Variants in TMEM132D observed in about 807,000 individuals in gnomAD.
TMEM132D encodes mature OL transmembrane protein.
Under a neutral mutation model 62.3 loss-of-function variants are expected in TMEM132D, and 21 were observed. The observed-to-expected ratio is 0.34, with a 90% CI of 0.24 to 0.49. The LOEUF (loss-of-function observed/expected upper bound fraction) is 0.49. Among genes scored for constraint, TMEM132D ranks in the 20% least tolerant of loss-of-function variants. The probability of loss-of-function intolerance (pLI) is 0.99; values close to 1 mark genes in which losing one functional copy is unlikely to be tolerated. For synonymous variants in TMEM132D, 621 were observed against 575.6 expected (o/e 1.08, Z -1.13); for missense variants, 1,346 against 1,402.8 (o/e 0.96, Z 0.65).
intron 4 of TMEM132D, among the ~76,000 whole-genome samples, chr12:129,295,301 G>A (rs148951838): frequency 9.2e-5 from 14 of 152,126 alleles, no homozygotes; most frequent in African/African-American, 2.4e-4. Flanking sequence ...GAACACTGCC[G>A]GCTACACACT....
chr12:129,666,831 T>C (rs986325443), intron 2 of TMEM132D, among the ~76,000 whole-genome samples: 4 of 152,210 alleles, frequency 2.6e-5, no homozygotes, highest in Non-Finnish European at 4.4e-5. Flanking sequence ...ACAAGGTGTG[T>C]AGGGAATGTG....
intron 3 of TMEM132D, among the ~76,000 whole-genome samples, chr12:129,528,765 T>G (rs1306167692): frequency 6.6e-6 from 1 of 152,230 alleles, no homozygotes; most frequent in Non-Finnish European, 1.5e-5. Flanking sequence ...AACAAACATT[T>G]ATAGACAGCC....
chr12:129,335,855 G>GT (rs749013631), intron 4 of TMEM132D, among the ~76,000 whole-genome samples: 1 of 152,234 alleles, frequency 6.6e-6, no homozygotes, highest in Non-Finnish European at 1.5e-5. Flanking sequence ...ACCAGAAACT[G>GT]TATGTTGGAT....
chr12:129,865,544 C>T (rs895347800), intron 1 of TMEM132D, among the ~76,000 whole-genome samples: 1 of 152,144 alleles, frequency 6.6e-6, no homozygotes, highest in Non-Finnish European at 1.5e-5. Context: ...GGAGTGATTA[C>T]GTCTTGCAAT....
chr12:129,210,774 G>A (rs182670906), intron 4 of TMEM132D, among the ~76,000 whole-genome samples: 5 of 152,222 alleles, frequency 3.3e-5, no homozygotes, highest in South Asian at 4.2e-4. Flanking sequence ...GACTCAACAG[G>A]GAAAGGACTG....
intron 5 of TMEM132D, among the ~76,000 whole-genome samples, chr12:129,183,770 G>A (rs1280743008): frequency 6.6e-6 from 1 of 151,756 alleles, no homozygotes; most frequent in Non-Finnish European, 1.5e-5. Flanking sequence ...GGACACGGAT[G>A]ATTCTTTGGA....
At chr12:129,306,128 T>TA (rs1321454421) in intron 4 of TMEM132D, among the ~76,000 whole-genome samples, 6 of 152,162 alleles carry the variant, frequency 3.9e-5, no homozygotes, top group Non-Finnish European at 8.8e-5. Context: ...GTGGAAAAGT[T>TA]ACAATGCTTA....
In TMEM132D at chr12:129,226,245, C is replaced by CGCCT. The variant is rs568033206; in HGVS notation, c.1300-16586_1300-16583dup. On this transcript the variant is annotated intron_variant, in intron 4 of 8. Coordinates refer to ENST00000422113, the MANE Select transcript of TMEM132D (RefSeq NM_133448.3). ...AACTATAGGAACATGAGTTCTTGGC[C>CGCCT]GCCTTCATTCCTATGCAAATTGACA... 1.4e-3 allele frequency among the ~76,000 whole-genome samples: 208 copies of CGCCT among 152,272 alleles called. 1 individual carries two copies. Among genetic ancestry groups the CGCCT allele is most frequent in the African/African-American group, 4.9e-3 (204 of 41,552 alleles).
intron 1 of TMEM132D, among the ~76,000 whole-genome samples, chr12:129,896,513 T>C (rs1875139632): frequency 6.6e-6 from 1 of 152,234 alleles, no homozygotes; most frequent in South Asian, 2.1e-4. Flanking sequence ...TCTACCAGTA[T>C]AGCTTTCCTG....
At chr12:129,660,963 C>T (rs1880223791) in intron 2 of TMEM132D, among the ~76,000 whole-genome samples, 1 of 152,196 alleles carries the variant, frequency 6.6e-6, no homozygotes, top group African/African-American at 2.4e-5. Context: ...ATCCATCCTA[C>T]ATAATTTATT....
intron 1 of TMEM132D, among the ~76,000 whole-genome samples, chr12:129,897,658 G>A (rs1021644110): frequency 6.6e-6 from 1 of 152,154 alleles, no homozygotes; most frequent in African/African-American, 2.4e-5. Context: ...TGGTGGTCTT[G>A]GAAGTAAATC....
intron 5 of TMEM132D, among the ~76,000 whole-genome samples, chr12:129,096,125 G>A (rs1237220552): frequency 1.3e-5 from 2 of 152,158 alleles, no homozygotes; most frequent in African/African-American, 4.8e-5. Context: ...TTGTTTGATT[G>A]TGACAGTAAC....
chr12:129,203,793 A>G (rs993959152), intron 5 of TMEM132D, among the ~76,000 whole-genome samples: 1 of 152,270 alleles, frequency 6.6e-6, no homozygotes, highest in African/African-American at 2.4e-5. Context: ...GCATATGGGC[A>G]GCAGATTAGG....
chr12:129,684,528 T>C (rs147843447), intron 2 of TMEM132D, among the ~76,000 whole-genome samples: 28 of 151,792 alleles, frequency 1.8e-4, no homozygotes, highest in African/African-American at 6.5e-4. Flanking sequence ...AATGGACTAA[T>C]AGAATAAACT....
chr12:129,472,027 G>A (rs1350147471), intron 3 of TMEM132D, among the ~76,000 whole-genome samples: 1 of 152,244 alleles, frequency 6.6e-6, no homozygotes, highest in Non-Finnish European at 1.5e-5. Context: ...GCAAAGTGAA[G>A]CAGCAAGTGC....
At chr12:129,224,135 C>T (rs1302156922) in intron 4 of TMEM132D, among the ~76,000 whole-genome samples, 2 of 152,100 alleles carry the variant, frequency 1.3e-5, no homozygotes, top group Non-Finnish European at 2.9e-5. Context: ...AAGAATTGTC[C>T]TTGGATTCTG....
At chr12:129,554,124 A>G (rs774584766) in intron 2 of TMEM132D, among the ~76,000 whole-genome samples, 1 of 152,118 alleles carries the variant, frequency 6.6e-6, no homozygotes, top group Non-Finnish European at 1.5e-5. Flanking sequence ...TCCCTTCCAC[A>G]GTTTCTATTC....
At chr12:129,305,621 A>C (rs1027286515) in intron 4 of TMEM132D, among the ~76,000 whole-genome samples, 11 of 152,232 alleles carry the variant, frequency 7.2e-5, no homozygotes, top group African/African-American at 2.4e-4. Flanking sequence ...AATGTATTGC[A>C]ATGTTGATGA....
intron 2 of TMEM132D, among the ~76,000 whole-genome samples, chr12:129,579,615 G>A (rs1244040210): frequency 6.6e-6 from 1 of 152,202 alleles, no homozygotes; most frequent in Non-Finnish European, 1.5e-5. Context: ...AGGGCAGGAA[G>A]CATCCAACAC....
Sources: allele counts gnomAD v4.1 joint callset (sites outside exome capture counted in the v4.1 genomes callset), GRCh38; gene constraint gnomAD v4.1.1; transcripts MANE v1.5; gene names NCBI Gene and HGNC (gene_info 2026-07-23, HGNC 2026-07-21).